Variants in ACOX1 observed in about 807,000 individuals in gnomAD.
The protein encoded by ACOX1 is peroxisomal acyl-coenzyme A oxidase 1.
A neutral mutation model predicts 75.5 loss-of-function variants in ACOX1; 41 were observed. That is an observed-to-expected ratio of 0.54 (90% CI 0.42 to 0.70). ACOX1 has a LOEUF of 0.70. Among genes scored for constraint, ACOX1 ranks in the 30% least tolerant of loss-of-function variants. The probability of loss-of-function intolerance (pLI) is 0.00; values close to 1 mark genes in which losing one functional copy is unlikely to be tolerated. For missense variants in ACOX1, 630 were observed against 837.5 expected, an observed-to-expected ratio of 0.75 and a Z score of 3.06; for synonymous variants, 303 against 298.8, an observed-to-expected ratio of 1.01 and a Z score of -0.15.
chr17:75,946,876 GT>G (rs373022785), intron 13 of ACOX1, 81 bp from the exon 14 acceptor site: 1,211 of 1,198,362 alleles, frequency 1.0e-3, no homozygotes, highest in Middle Eastern at 1.6e-3. Flanking sequence ...TTTTGTTTTT[GT>G]TTTTTTTTTG....
chr17:75,974,874 G>C (rs1233409893), intron 2 of ACOX1, among the ~76,000 whole-genome samples: 1 of 151,366 alleles, frequency 6.6e-6, no homozygotes, highest in Non-Finnish European at 1.5e-5. Flanking sequence ...GTGAAACCCC[G>C]TCTCTACGAA....
intron 2 of ACOX1, chr17:75,973,552 A>T (rs2066016410): frequency 1.3e-6 from 2 of 1,525,918 alleles, no homozygotes; most frequent in African/African-American, 1.4e-5. Flanking sequence ...AGCAGAAAAA[A>T]GTCAAATGCC....
chr17:75,973,597 T>A, intron 2 of ACOX1: 1 of 1,613,658 alleles, frequency 6.2e-7, no homozygotes, highest in East Asian at 2.2e-5. Flanking sequence ...TGAGGTGGGT[T>A]ACCCACAGAC....
At chr17:75,966,977 C>A (rs1310236259) in intron 2 of ACOX1, among the ~76,000 whole-genome samples, 1 of 150,266 alleles carries the variant, frequency 6.7e-6, no homozygotes, top group Non-Finnish European at 1.5e-5. Flanking sequence ...GAAAAAGCCA[C>A]TAGTTAACAA....
At chr17:75,967,637 T>C (rs2065945517) in intron 2 of ACOX1, among the ~76,000 whole-genome samples, 1 of 142,978 alleles carries the variant, frequency 7.0e-6, no homozygotes, top group East Asian at 2.0e-4. Context: ...TATACATACA[T>C]ATATATACGT....
intron 2 of ACOX1, among the ~76,000 whole-genome samples, chr17:75,975,050 C>CAAAAAAAAA (rs1022347068): frequency 7.5e-5 from 3 of 40,248 alleles, no homozygotes; most frequent in African/African-American, 3.0e-4. Context: ...ACTCTGTCTC[C>CAAAAAAAAA]AAAAAAAAAA....
At chr17:75,956,057 G>C in intron 4 of ACOX1, 110 bp from the exon 5 acceptor site, 1 of 1,458,282 alleles carries the variant, frequency 6.9e-7, no homozygotes, top group Non-Finnish European at 9.6e-7. Flanking sequence ...TAAACCAATA[G>C]TATGTGTCCA....
At chr17:75,953,402 G>T in intron 7 of ACOX1, 49 bp downstream of exon 7, 1 of 1,603,844 alleles carries the variant, frequency 6.2e-7, no homozygotes, top group South Asian at 1.1e-5. Context: ...TCTGAATGGG[G>T]TAAAAACTAG....
Position 75,960,983 on chromosome 17 carries a change from A to T in ACOX1, c.270-608T>A, listed in dbSNP as rs9890966. ...GACAGAGTGAGACTCTGTCTCAAAA[A>T]AAATAAATAAATAAATAAGAGAGAA... is the stretch of plus-strand genomic sequence containing the variant. On this transcript the variant is annotated intron_variant, in intron 2 of 13. Coordinates refer to ENST00000293217, the MANE Select transcript of ACOX1 (RefSeq NM_004035.7). This position sits in a 1 kb window ranked among gnomAD's most constrained non-coding sequence, Gnocchi z 4.4. 0.012 allele frequency among the ~76,000 whole-genome samples: 1,833 copies of T among 152,036 alleles called. 41 individuals are homozygous for T. Among genetic ancestry groups the T allele is most frequent in the African/African-American group, 0.039 (1,636 of 41,434 alleles).
chr17:75,965,746 T>A (rs2065926183), intron 2 of ACOX1, among the ~76,000 whole-genome samples: 2 of 151,960 alleles, frequency 1.3e-5, no homozygotes, highest in African/African-American at 4.8e-5. Flanking sequence ...GGCAGGAGGA[T>A]CCCTTCAGTC....
chr17:75,944,605 GTTTAGTTGTGTGGCATAT>G lies in ACOX1; in HGVS notation c.*2125_*2142del, dbSNP rs1362825042. 6.6e-6 allele frequency: 1 copy of G among 152,094 alleles called. No individual in the cohort carries two copies. The highest frequency in any genetic ancestry group is 1.5e-5 in the Non-Finnish European group (1 of 68,020). 9.4% of individuals were successfully genotyped at this position (152,094 alleles called of 1,614,324 possible). On this transcript the variant is annotated 3_prime_UTR_variant, in exon 14 of 14. Coordinates refer to ENST00000293217, the MANE Select transcript of ACOX1 (RefSeq NM_004035.7). Reference sequence around the variant, plus strand: ...AAATTTCTTCATAATTTAAACCTATGTTTAGTTGTGTGGCATATTTTTTCTCTCTTAATAGTACAAATC... The same window carrying G: ...AAATTTCTTCATAATTTAAACCTATGTTTTTCTCTCTTAATAGTACAAATC...
At position 75,944,946 on chromosome 17, in the gene ACOX1, A is replaced by G. The variant is rs1183065810; in HGVS notation, c.*1802T>C. ...TTTTCAGTAGAGACGGGGTTTCACC[A>G]TGTTGGCCAGGATGGTCTCAAACTC... On this transcript the variant is annotated 3_prime_UTR_variant, in exon 14 of 14. Transcript: ENST00000293217. The G allele has an allele frequency of 1.3e-5, 2 of 152,240 alleles. No individual in the cohort carries two copies. The highest frequency in any genetic ancestry group is 2.1e-4 in the South Asian group (1 of 4,818). 9.4% of individuals were successfully genotyped at this position (152,240 alleles called of 1,614,324 possible).
intron 10 of ACOX1, 26 bp downstream of exon 10, chr17:75,949,692 A>G: frequency 6.2e-7 from 1 of 1,614,114 alleles, no homozygotes; most frequent in Non-Finnish European, 8.5e-7. Flanking sequence ...ACTGCTGCGT[A>G]TTCTAGCTCT....
At chr17:75,965,693 C>T (rs1337416536) in intron 2 of ACOX1, among the ~76,000 whole-genome samples, 3 of 151,954 alleles carry the variant, frequency 2.0e-5, no homozygotes, top group African/African-American at 7.2e-5. Flanking sequence ...ATCAACTGGG[C>T]GCGGTGTCAC....
rs143260706 is a variant in ACOX1, at chr17:75,955,673, C to T, written c.667G>A (p.Val223Ile). 148 of 1,613,746 alleles carry T rather than the reference C, an allele frequency of 9.2e-5. No individual in the cohort carries two copies. Among genetic ancestry groups the T allele is most frequent in the Middle Eastern group, 1.6e-4 (1 of 6,084 alleles). ...GTHKPLPGIT[V>I]GDIGPKFGYD... Reference sequence around the variant, plus strand: ...CCAAATTTGGGGCCGATGTCACCAACGGTAATTCCTACCACAGATGAAAGG... The same window carrying T: ...CCAAATTTGGGGCCGATGTCACCAATGGTAATTCCTACCACAGATGAAAGG... Residue 223 changes from valine (V) to isoleucine (I), a missense_variant, in exon 6 of 14, where the codon GTT becomes ATT. This residue lies in a region of ACOX1 where 390 missense variants were observed against 574.9 expected (regional missense o/e 0.68). Transcript: ENST00000293217.
At chr17:75,967,361 C>T (rs1007248388) in intron 2 of ACOX1, among the ~76,000 whole-genome samples, 4 of 150,616 alleles carry the variant, frequency 2.7e-5, no homozygotes, top group African/African-American at 4.9e-5. Context: ...CCCAGCTACT[C>T]GGGAGGCTGA....
chr17:75,957,594 G>A, intron 3 of ACOX1, 28 bp from the exon 4 acceptor site: 1 of 1,568,094 alleles, frequency 6.4e-7, no homozygotes, highest in Non-Finnish European at 8.8e-7. Flanking sequence ...ATTGACTTCA[G>A]TTAAGAGATG....
intron 13 of ACOX1, among the ~76,000 whole-genome samples, chr17:75,947,462 G>A (rs985635437): frequency 6.6e-6 from 1 of 152,036 alleles, no homozygotes; most frequent in Non-Finnish European, 1.5e-5. Flanking sequence ...GGTCAGGCTG[G>A]TCTCAAACTC....
rs2144235339 is a variant in ACOX1, at chr17:75,949,205, G to C, written c.1728+12C>G. The C allele has an allele frequency of 1.2e-6, 2 of 1,614,066 alleles. No individual in the cohort carries two copies. The highest frequency in any genetic ancestry group is 2.2e-5 in the East Asian group (1 of 44,872). ...CAACAACAAAAAAGACTTATACTTA[G>C]AAAATACTGACCTGAAGGAAATCCC... On this transcript the variant is annotated intron_variant, in intron 12 of 13. Transcript: ENST00000293217.
Sources: allele counts gnomAD v4.1 joint callset (sites outside exome capture counted in the v4.1 genomes callset), GRCh38; gene constraint gnomAD v4.1.1; regional missense constraint gnomAD v4.1.1; non-coding constraint Gnocchi (gnomAD v3.1); transcripts MANE v1.5; gene names NCBI Gene and HGNC (gene_info 2026-07-23, HGNC 2026-07-21).